Variants in CLEC16A observed in about 807,000 individuals in gnomAD.
CLEC16A encodes C-type lectin domain containing 16A, also known as protein CLEC16A.
In CLEC16A, 51 loss-of-function variants were observed where a neutral mutation model predicts 109.5. The observed-to-expected ratio is 0.47, with a 90% CI of 0.37 to 0.59. The LOEUF is 0.59. Ranked by LOEUF, CLEC16A falls within the 20% of genes least tolerant of loss-of-function variation. The pLI is 0.00. For synonymous variants in CLEC16A, 673 were observed against 564.2 expected (o/e 1.19, Z -2.73); for missense variants, 1,339 against 1,394.0 (o/e 0.96, Z 0.63).
At chr16:11,140,369 C>G (rs182835984) in intron 22 of CLEC16A, among the ~76,000 whole-genome samples, 1 of 152,160 alleles carries the variant, frequency 6.6e-6, no homozygotes, top group Non-Finnish European at 1.5e-5. Context: ...CTTAGTAACC[C>G]GGAAAATGCT....
intron 19 of CLEC16A, 120 bp from the exon 20 acceptor site, chr16:11,120,495 C>G: frequency 1.9e-6 from 2 of 1,079,776 alleles, no homozygotes; most frequent in East Asian, 2.7e-5. Context: ...CTGTGTGACT[C>G]TAGGCCTGGG....
chr16:11,152,133 C>T lies in CLEC16A; in HGVS notation c.2642-14255C>T, dbSNP rs914747341. Among the ~76,000 whole-genome samples, 79 of 152,138 alleles carry T rather than the reference C, an allele frequency of 5.2e-4. 1 individual carries two copies. Among genetic ancestry groups the T allele is most frequent in the African/African-American group, 1.6e-3 (66 of 41,436 alleles). Reference sequence around the variant, plus strand: ...AGCACAGAGACCAGAGAGCAAGATGCGCGGAAGGATAAATTTAGCCTGCAT... The same window carrying T: ...AGCACAGAGACCAGAGAGCAAGATGTGCGGAAGGATAAATTTAGCCTGCAT... On this transcript the variant is annotated intron_variant, in intron 22 of 23. Transcript: ENST00000409790.
chr16:10,986,502 G>C (rs770826156), intron 10 of CLEC16A, among the ~76,000 whole-genome samples: 35 of 152,056 alleles, frequency 2.3e-4, no homozygotes, highest in Non-Finnish European at 3.4e-4. Flanking sequence ...TTGCTCTGTG[G>C]AGTCACCTGC....
intron 19 of CLEC16A, among the ~76,000 whole-genome samples, chr16:11,118,269 G>C (rs992370688): frequency 1.3e-5 from 2 of 152,128 alleles, no homozygotes; most frequent in Non-Finnish European, 2.9e-5. Context: ...CAACTTTCAA[G>C]TAAGAGAAGG....
rs1040716665 is a variant in CLEC16A, at chr16:11,178,275, G to A, written c.2807-60G>A. On this transcript the variant is annotated intron_variant, in intron 23 of 23. Coordinates refer to ENST00000409790, the MANE Select transcript of CLEC16A (RefSeq NM_015226.3). The surrounding 1 kb of genome is among the most constrained non-coding windows in gnomAD (Gnocchi z 6.5). ...GCGGTTCAGGATGGGAGCACAGGGC[G>A]CAGTGCGACGGGGTGTCTCAAGGGC... 5.0e-5 allele frequency: 72 copies of A among 1,447,858 alleles called. No individual in the cohort carries two copies. Among genetic ancestry groups the A allele is most frequent in the Non-Finnish European group, 5.8e-5 (61 of 1,049,996 alleles). The allele number at this position is 1,447,858 out of a possible 1,614,324, so 89.7% of individuals were successfully genotyped here.
At chr16:11,138,625 G>A (rs188161102) in intron 22 of CLEC16A, among the ~76,000 whole-genome samples, 3 of 152,188 alleles carry the variant, frequency 2.0e-5, no homozygotes, top group South Asian at 2.1e-4. Context: ...ACAGGCTGGG[G>A]TGCGGCCTTC....
intron 22 of CLEC16A, among the ~76,000 whole-genome samples, chr16:11,149,621 ATC>A (rs1186372979): frequency 1.3e-5 from 2 of 152,074 alleles, no homozygotes; most frequent in African/African-American, 4.8e-5. Flanking sequence ...GCAAAACCCC[ATC>A]TCCACTAAAA....
intron 22 of CLEC16A, among the ~76,000 whole-genome samples, chr16:11,158,000 A>G (rs2054595406): frequency 6.6e-6 from 1 of 152,140 alleles, no homozygotes; most frequent in African/African-American, 2.4e-5. Context: ...ATCTGTCCAG[A>G]GCCACCAGCA....
At chr16:11,072,489 G>C (rs1567278397) in intron 19 of CLEC16A, among the ~76,000 whole-genome samples, 1 of 152,190 alleles carries the variant, frequency 6.6e-6, no homozygotes, top group Non-Finnish European at 1.5e-5. Flanking sequence ...GAGAGAGAGA[G>C]AGATAATCCA....
Position 11,178,327 on chromosome 16 carries a change from CA to C in CLEC16A, c.2807-6del. On this transcript the variant is annotated splice_polypyrimidine_tract_variant and splice_region_variant and intron_variant, in intron 23 of 23. Coordinates refer to ENST00000409790, the MANE Select transcript of CLEC16A (RefSeq NM_015226.3). The surrounding 1 kb of genome is among the most constrained non-coding windows in gnomAD (Gnocchi z 6.5). ...CAGTGTGTTTCCGGTTTTTCTCCCC[CA>C]ATCCAGATGCCCCCATGAGTCCAGA... 6.3e-7 allele frequency: 1 copy of C among 1,597,948 alleles called. No homozygotes were observed. The highest frequency in any genetic ancestry group is 8.6e-7 in the Non-Finnish European group (1 of 1,168,434).
At chr16:11,031,572 G>T (rs532398211) in intron 13 of CLEC16A, among the ~76,000 whole-genome samples, 1 of 152,166 alleles carries the variant, frequency 6.6e-6, no homozygotes, top group Admixed American at 6.5e-5. Flanking sequence ...CTAATGCTAT[G>T]CATGTATTGA....
chr16:10,970,038 C>T (rs1391487033), intron 4 of CLEC16A, among the ~76,000 whole-genome samples: 1 of 152,182 alleles, frequency 6.6e-6, no homozygotes, highest in African/African-American at 2.4e-5. Context: ...AAATAAATTG[C>T]TCCTGTCCTC....
chr16:10,953,525 A>G (rs1299347006), intron 1 of CLEC16A, among the ~76,000 whole-genome samples: 1 of 152,232 alleles, frequency 6.6e-6, no homozygotes, highest in Non-Finnish European at 1.5e-5. Context: ...ATTGAACTAC[A>G]TTAAAATTAA....
chr16:11,176,206 G>T (rs968176762), intron 23 of CLEC16A, among the ~76,000 whole-genome samples: 3 of 152,246 alleles, frequency 2.0e-5, no homozygotes, highest in Non-Finnish European at 4.4e-5. Context: ...AACCAGCCCA[G>T]CACCGCAAGC....
In CLEC16A at chr16:11,030,896, C is replaced by T. The variant is rs2046704480; in HGVS notation, c.1537+5975C>T. Among the ~76,000 whole-genome samples the T allele has an allele frequency of 3.3e-5, 5 of 152,222 alleles. No individual in the cohort carries two copies. In the South Asian group the frequency reaches 1.0e-3, roughly 32 times the overall value. On this transcript the variant is annotated intron_variant, in intron 13 of 23. Coordinates refer to ENST00000409790, the MANE Select transcript of CLEC16A (RefSeq NM_015226.3). ...CTGACCTCAAGTGATACACCCGCCT[C>T]AGCCTCGAGAGTTCTTTATGTATTT... is the stretch of plus-strand genomic sequence containing the variant.
At chr16:11,037,231 T>A (rs966723759) in intron 13 of CLEC16A, among the ~76,000 whole-genome samples, 3 of 152,222 alleles carry the variant, frequency 2.0e-5, no homozygotes, top group African/African-American at 7.2e-5. Context: ...GGGCCCCCTG[T>A]GTGCTCCTGG....
At chr16:10,963,736 C>A (rs1379607249) in intron 3 of CLEC16A, among the ~76,000 whole-genome samples, 1 of 152,222 alleles carries the variant, frequency 6.6e-6, no homozygotes, top group Non-Finnish European at 1.5e-5. Flanking sequence ...GGCGCCAGCT[C>A]TAGCAAAGCC....
Position 11,089,736 on chromosome 16 carries a change from G to A in CLEC16A, c.2116+28714G>A, listed in dbSNP as rs376445738. On this transcript the variant is annotated intron_variant, in intron 19 of 23. Coordinates refer to ENST00000409790, the MANE Select transcript of CLEC16A (RefSeq NM_015226.3). ...ATATATCCCAGGTGGCCAGGGAAGG[G>A]CCCGACTCAGGAAATGGCATCTGTA... Among the ~76,000 whole-genome samples the A allele has an allele frequency of 1.2e-3, 188 of 152,294 alleles. 1 individual carries two copies. The South Asian group carries it at 0.037, about 30-fold the overall frequency.
chr16:10,951,347 T>A (rs1418837603), intron 1 of CLEC16A, among the ~76,000 whole-genome samples: 1 of 152,252 alleles, frequency 6.6e-6, no homozygotes, highest in Non-Finnish European at 1.5e-5. Context: ...CCATAAGATC[T>A]GATAGTATTT....
Sources: allele counts gnomAD v4.1 joint callset (sites outside exome capture counted in the v4.1 genomes callset), GRCh38; gene constraint gnomAD v4.1.1; non-coding constraint Gnocchi (gnomAD v3.1); transcripts MANE v1.5; gene names NCBI Gene and HGNC (gene_info 2026-07-23, HGNC 2026-07-21).